The following DNAJC1 variants were observed in gnomAD, a reference collection of about 807,000 sequenced individuals.
DNAJC1 encodes dnaJ homolog subfamily C member 1.
In DNAJC1, 58 loss-of-function variants were observed where a neutral mutation model predicts 76.6. That is an observed-to-expected ratio of 0.76 (90% CI 0.61 to 0.94). DNAJC1 has a LOEUF of 0.94. Ranked by LOEUF, DNAJC1 falls within the 40% of genes least tolerant of loss-of-function variation. DNAJC1 has a pLI of 0.00. For missense variants in DNAJC1, 689 were observed against 677.3 expected (o/e 1.02, Z -0.19); for synonymous variants, 258 against 267.9 (o/e 0.96, Z 0.36).
At chr10:21,759,024 A>T (rs1368379942) in intron 11 of DNAJC1, 146 bp downstream of exon 11, 3 of 846,532 alleles carry the variant, frequency 3.5e-6, no homozygotes, top group Non-Finnish European at 5.6e-6. Flanking sequence ...CTAGGGAGAA[A>T]TATACTGGAA....
At chr10:21,971,348 T>C (rs1415475802) in intron 1 of DNAJC1, among the ~76,000 whole-genome samples, 6 of 151,850 alleles carry the variant, frequency 4.0e-5, no homozygotes, top group African/African-American at 1.4e-4. Context: ...AACGAATTGT[T>C]TATCTTAACA....
chr10:21,782,142 C>G (rs532191006), intron 9 of DNAJC1, among the ~76,000 whole-genome samples: 1 of 151,876 alleles, frequency 6.6e-6, no homozygotes, highest in South Asian at 2.1e-4. Flanking sequence ...ATTGATAGAC[C>G]GCTAGCAAGA....
chr10:21,854,955 A>G (rs548735714), intron 8 of DNAJC1, among the ~76,000 whole-genome samples: 1 of 152,154 alleles, frequency 6.6e-6, no homozygotes, highest in East Asian at 1.9e-4. Context: ...CTTCGATATT[A>G]CGAAACTAAA....
At chr10:21,801,915 C>A (rs898994541) in intron 9 of DNAJC1, among the ~76,000 whole-genome samples, 1 of 152,152 alleles carries the variant, frequency 6.6e-6, no homozygotes, top group Non-Finnish European at 1.5e-5. Flanking sequence ...CACATGTTCT[C>A]ACTTGTAAGC....
intron 9 of DNAJC1, 64 bp from the exon 10 acceptor site, chr10:21,766,373 G>A (rs763645787): frequency 3.4e-5 from 42 of 1,225,386 alleles, no homozygotes; most frequent in East Asian, 1.9e-4. Flanking sequence ...TGAGTGAAAC[G>A]ATTCCATGTA....
chr10:21,921,974 A>T (rs1242004705), intron 3 of DNAJC1, among the ~76,000 whole-genome samples: 4 of 152,112 alleles, frequency 2.6e-5, no homozygotes, highest in Non-Finnish European at 5.9e-5. Flanking sequence ...CCAGAATTAA[A>T]TCTTCACTGA....
intron 8 of DNAJC1, among the ~76,000 whole-genome samples, chr10:21,858,117 A>G (rs902660495): frequency 2.6e-5 from 4 of 152,200 alleles, no homozygotes; most frequent in Admixed American, 6.5e-5. Context: ...AGGGAACACA[A>G]AAACAATTTT....
At chr10:21,827,945 G>A (rs1333614540) in intron 8 of DNAJC1, among the ~76,000 whole-genome samples, 1 of 152,134 alleles carries the variant, frequency 6.6e-6, no homozygotes, top group East Asian at 1.9e-4. Flanking sequence ...TTTCTCTAGT[G>A]AATGCATTTA....
intron 8 of DNAJC1, among the ~76,000 whole-genome samples, chr10:21,807,483 C>T (rs2131642892): frequency 6.6e-6 from 1 of 152,300 alleles, no homozygotes; most frequent in East Asian, 1.9e-4. Context: ...ATGGCAGCTT[C>T]ACTCATAATC....
At chr10:21,756,887 G>T in intron 11 of DNAJC1, 132 bp from the exon 12 acceptor site, 1 of 753,384 alleles carries the variant, frequency 1.3e-6, no homozygotes, top group Non-Finnish European at 2.2e-6. Context: ...TTCCCGGGAT[G>T]TCCTGGAGTC....
chr10:21,876,115 A>ATT (rs774939480), intron 8 of DNAJC1, among the ~76,000 whole-genome samples: 8 of 143,550 alleles, frequency 5.6e-5, no homozygotes, highest in Non-Finnish European at 6.1e-5. Flanking sequence ...AAAAACGTTA[A>ATT]TTTTTTTTTT....
chr10:21,991,712 T>G (rs1838328834), intron 1 of DNAJC1, among the ~76,000 whole-genome samples: 1 of 152,214 alleles, frequency 6.6e-6, no homozygotes. Context: ...ATGTATGCTA[T>G]CCAATAAGCA....
chr10:21,943,431 T>C (rs1837453426), intron 1 of DNAJC1, among the ~76,000 whole-genome samples: 1 of 152,198 alleles, frequency 6.6e-6, no homozygotes, highest in South Asian at 2.1e-4. Context: ...AATGGTCACA[T>C]ATTTGCTTTA....
intron 1 of DNAJC1, among the ~76,000 whole-genome samples, chr10:21,987,280 T>C (rs190338637): frequency 1.3e-5 from 2 of 152,320 alleles, no homozygotes; most frequent in Non-Finnish European, 2.9e-5. Flanking sequence ...AAGTGCTCTA[T>C]AGCCACATGT....
chr10:21,830,063 T>C (rs908956201), intron 8 of DNAJC1, among the ~76,000 whole-genome samples: 6 of 152,134 alleles, frequency 3.9e-5, no homozygotes, highest in Non-Finnish European at 8.8e-5. Context: ...TTTTCTCCCA[T>C]CTTCTAAGTG....
intron 1 of DNAJC1, among the ~76,000 whole-genome samples, chr10:21,958,081 A>G (rs1837723834): frequency 6.6e-6 from 1 of 152,206 alleles, no homozygotes; most frequent in South Asian, 2.1e-4. Context: ...CATATAATTG[A>G]GAATACCATT....
At chr10:21,956,662 A>C (rs959302860) in intron 1 of DNAJC1, among the ~76,000 whole-genome samples, 1 of 151,402 alleles carries the variant, frequency 6.6e-6, no homozygotes, top group Admixed American at 6.6e-5. Flanking sequence ...CAATGGGCCA[A>C]GCCACTATAA....
intron 8 of DNAJC1, among the ~76,000 whole-genome samples, 190 bp from the exon 9 acceptor site, chr10:21,806,289 G>C (rs1445434919): frequency 6.6e-6 from 1 of 152,116 alleles, no homozygotes; most frequent in Admixed American, 6.6e-5. Context: ...TTTAACACTG[G>C]AATGCAAAGC....
chr10:21,760,563 G>A (rs564978212), intron 10 of DNAJC1, among the ~76,000 whole-genome samples: 13 of 152,364 alleles, frequency 8.5e-5, no homozygotes, highest in South Asian at 4.1e-4. Context: ...GACACGGGGC[G>A]TGGGAGCAGA....
Sources: gnomAD v4.1 joint callset for allele counts (sites outside exome capture counted in the v4.1 genomes callset) on GRCh38, gnomAD v4.1.1 for gene constraint, MANE v1.5 for transcripts, NCBI Gene and HGNC (gene_info 2026-07-23, HGNC 2026-07-21) for gene names.